The following CPAMD8 variants were observed in gnomAD, a reference collection of about 807,000 sequenced individuals.
The protein encoded by CPAMD8 is C3 and PZP like alpha-2-macroglobulin domain containing 8, also known as C3 and PZP-like alpha-2-macroglobulin domain-containing protein 8.
In CPAMD8, 146 loss-of-function variants were observed where a neutral mutation model predicts 224.7. That is an observed-to-expected ratio of 0.65 (90% CI 0.57 to 0.75). The LOEUF is 0.75. Among genes scored for constraint, CPAMD8 ranks in the 30% least tolerant of loss-of-function variants. The pLI is 0.00. For synonymous variants in CPAMD8, 966 were observed against 1,044.6 expected, an observed-to-expected ratio of 0.92 and a Z score of 1.45; for missense variants, 2,301 against 2,537.5, an observed-to-expected ratio of 0.91 and a Z score of 2.00.
intron 11 of CPAMD8, among the ~76,000 whole-genome samples, chr19:16,996,817 T>TA (rs11332531): frequency 5.6e-4 from 61 of 108,310 alleles, no homozygotes; most frequent in South Asian, 1.8e-3. Context: ...TGACTATCTC[T>TA]AAAAAAAAAA....
Position 16,901,210 on chromosome 19 carries a change from C to T in CPAMD8, c.4773G>A (p.Gln1591=). The T allele has an allele frequency of 6.2e-7, 1 of 1,606,186 alleles. No homozygotes were observed. The change falls in exon 36 of 42, where the codon CAG becomes CAA. Residue 1591 remains glutamine (Q), a splice_region_variant and synonymous_variant. Coordinates refer to ENST00000443236, the MANE Select transcript of CPAMD8 (RefSeq NM_015692.5). ...CCGCTGCTCACCGGCGCTGCCTCAC[C>T]TGCTCCAGGCTCTCGATGTCTGCCC... The part of the protein sequence containing the change: ...GFRADIESLE[Q]LLLDKHMGMK...
chr19:16,939,572 C>T (rs1568499773), intron 22 of CPAMD8, among the ~76,000 whole-genome samples: 1 of 152,186 alleles, frequency 6.6e-6, no homozygotes, highest in East Asian at 1.9e-4. Context: ...GCTGGTTAAA[C>T]ACTCTATCTG....
At chr19:16,991,952 C>T (rs1210799483) in intron 12 of CPAMD8, among the ~76,000 whole-genome samples, 1 of 152,102 alleles carries the variant, frequency 6.6e-6, no homozygotes, top group African/African-American at 2.4e-5. Context: ...ACCCATCTGG[C>T]TGTGAATGTC....
chr19:16,961,381 G>C (rs992971071), intron 18 of CPAMD8, among the ~76,000 whole-genome samples: 1 of 152,388 alleles, frequency 6.6e-6, no homozygotes, highest in Non-Finnish European at 1.5e-5. Context: ...CTGGCTGGGC[G>C]GGTCCCACGC....
At chr19:16,930,452 G>T (rs1017976979) in intron 23 of CPAMD8, among the ~76,000 whole-genome samples, 3 of 152,130 alleles carry the variant, frequency 2.0e-5, no homozygotes, top group African/African-American at 7.2e-5. Context: ...ATAACAAGTA[G>T]ATCATCACAC....
intron 29 of CPAMD8, among the ~76,000 whole-genome samples, chr19:16,911,269 G>A (rs779775900): frequency 6.6e-5 from 10 of 152,174 alleles, no homozygotes; most frequent in Middle Eastern, 3.4e-3. Flanking sequence ...ACCTCCCATC[G>A]GACCATCAGC....
At chr19:16,957,622 T>C (rs1285540897) in intron 19 of CPAMD8, 2 of 547,682 alleles carry the variant, frequency 3.7e-6, no homozygotes, top group Non-Finnish European at 3.3e-6. Context: ...GAGGGAGTTA[T>C]AAGAGGCACA....
intron 10 of CPAMD8, among the ~76,000 whole-genome samples, chr19:16,999,593 A>G (rs1331721518): frequency 6.9e-6 from 1 of 144,242 alleles, no homozygotes; most frequent in East Asian, 1.9e-4. Flanking sequence ...TCCAAAAAAA[A>G]AAAAAAAGAA....
At chr19:16,925,927 A>T (rs2053342914) in intron 25 of CPAMD8, among the ~76,000 whole-genome samples, 2 of 151,328 alleles carry the variant, frequency 1.3e-5, no homozygotes, top group Admixed American at 1.3e-4. Flanking sequence ...CTAATTTTTT[A>T]TTTTTATTTT....
rs1383765206 is a variant in CPAMD8 at position 16,907,123 on chromosome 19, G to A, written c.3862-6C>T. On this transcript the variant is annotated splice_region_variant and splice_polypyrimidine_tract_variant and intron_variant, in intron 29 of 41. Transcript: ENST00000443236. ...TCAGTGGAGCCTCTCTCCTCCTGCA[G>A]GGTGGGGTGGGAAGGTGAAACCTGG... 1.9e-6 allele frequency: 3 copies of A among 1,541,706 alleles called. No homozygotes were observed. The highest frequency in any genetic ancestry group is 1.7e-6 in the Non-Finnish European group (2 of 1,143,394).
At position 16,957,312 on chromosome 19, in the gene CPAMD8, G is replaced by A. The variant is rs113504115; in HGVS notation, c.2276+541C>T. 2.9e-3 allele frequency among the ~76,000 whole-genome samples: 438 copies of A among 152,340 alleles called. 2 individuals are homozygous for A. Among genetic ancestry groups the A allele is most frequent in the Non-Finnish European group, 5.3e-3 (358 of 68,044 alleles). The stretch of plus-strand genomic sequence containing the variant: ...AGTTTTCATGCCAAACTGGTTTGCC[G>A]GGGCACGCCAGTGCCACTTTTTACT... On this transcript the variant is annotated intron_variant, in intron 19 of 41. Coordinates refer to ENST00000443236, the MANE Select transcript of CPAMD8 (RefSeq NM_015692.5).
At chr19:16,972,095 G>A (rs529973153) in intron 17 of CPAMD8, among the ~76,000 whole-genome samples, 11 of 152,140 alleles carry the variant, frequency 7.2e-5, no homozygotes, top group African/African-American at 2.6e-4. Context: ...GGGAGAGCAG[G>A]GGAGGAAATC....
At chr19:16,986,751 C>G (rs1457780822) in intron 13 of CPAMD8, among the ~76,000 whole-genome samples, 1 of 152,044 alleles carries the variant, frequency 6.6e-6, no homozygotes, top group African/African-American at 2.4e-5. Flanking sequence ...AAGGCTGGGG[C>G]TATAGCTTGA....
intron 12 of CPAMD8, among the ~76,000 whole-genome samples, chr19:16,992,991 G>A (rs576238794): frequency 1.1e-3 from 163 of 151,670 alleles, no homozygotes; most frequent in African/African-American, 3.6e-3. Flanking sequence ...CTGAGCACCC[G>A]TGAGGTGGCG....
In CPAMD8 at chr19:16,895,924, C is replaced by T. The variant is rs1288277646; in HGVS notation, c.5426+252G>A. On this transcript the variant is annotated intron_variant, in intron 41 of 41. Transcript: ENST00000443236. ...GCACGCACACACACACACACACACACACACGCGCGCGTGCGCCCGCGCACA... is the reference window on the plus strand; with the variant it reads ...GCACGCACACACACACACACACACATACACGCGCGCGTGCGCCCGCGCACA... 6.5e-6 allele frequency: 4 copies of T among 616,370 alleles called. No homozygotes were observed. In the African/African-American group the frequency reaches 7.4e-5, roughly 11 times the overall value. 38.2% of individuals were successfully genotyped at this position (616,370 alleles called of 1,614,324 possible).
At position 16,914,671 on chromosome 19, in the gene CPAMD8, TCAGGAC is replaced by T; in HGVS notation, c.3766_3771del (p.Val1256_Leu1257del). 1 of 1,614,054 alleles carries T rather than the reference TCAGGAC, an allele frequency of 6.2e-7. No homozygotes were observed. On this transcript the variant is annotated inframe_deletion, in exon 28 of 42. Coordinates refer to ENST00000443236, the MANE Select transcript of CPAMD8 (RefSeq NM_015692.5). ...GGGCCACTCACCTGGATGTCCTTGT[TCAGGAC>T]CCTGCCCACGGCCAGGAAGGAGCCA... is the stretch of plus-strand genomic sequence containing the variant.
Position 16,897,611 on chromosome 19 carries a change from G to T in CPAMD8, c.5065+80C>A, listed in dbSNP as rs1200019956. 7.7e-6 allele frequency: 6 copies of T among 778,820 alleles called. No homozygotes were observed. In the African/African-American group the frequency reaches 1.1e-4, roughly 14 times the overall value. The allele number at this position is 778,820 out of a possible 1,614,324, so 48.2% of individuals were successfully genotyped here. A position where few individuals can be genotyped will look rare whatever the true frequency, so the allele number is the denominator to read the frequency against. On this transcript the variant is annotated intron_variant, in intron 39 of 41. Transcript: ENST00000443236. The stretch of plus-strand genomic sequence containing the variant: ...CCCCTCCTCTGCCAAGCCCCCAGGG[G>T]AGCCCTCCCTGGCGTCCGAGGGTGG...
At chr19:17,011,329 G>T in intron 5 of CPAMD8, 135 bp downstream of exon 5, 1 of 1,012,852 alleles carries the variant, frequency 9.9e-7, no homozygotes, top group South Asian at 1.5e-5. Flanking sequence ...GGGTTCTCCG[G>T]GGGACATGAA....
At chr19:16,980,388 G>T in intron 14 of CPAMD8, 109 bp downstream of exon 14, 2 of 1,001,704 alleles carry the variant, frequency 2.0e-6, no homozygotes, top group Non-Finnish European at 3.0e-6. Context: ...CCCAAGGCAT[G>T]CTCCCCTCTC....
Sources: allele counts gnomAD v4.1 joint callset (sites outside exome capture counted in the v4.1 genomes callset), GRCh38; gene constraint gnomAD v4.1.1; transcripts MANE v1.5; gene names NCBI Gene and HGNC (gene_info 2026-07-23, HGNC 2026-07-21).